PDE9A: variants seen among roughly 807,000 people sequenced by gnomAD.
PDE9A encodes high affinity cGMP-specific 3',5'-cyclic phosphodiesterase 9A.
PDE9A carries 60 observed loss-of-function variants against 87.4 expected under a neutral mutation model. The observed-to-expected ratio is 0.69, with a 90% CI of 0.56 to 0.85. PDE9A has a LOEUF of 0.85. PDE9A is among the 40% of genes least tolerant of loss of function. The pLI is 0.00. For synonymous variants in PDE9A, 272 were observed against 279.4 expected (o/e 0.97, Z 0.27); for missense variants, 665 against 779.0 (o/e 0.85, Z 1.74).
chr21:42,653,910 C>T (rs370764584), intron 1 of PDE9A, 27 bp downstream of exon 1: 3 of 1,351,826 alleles, frequency 2.2e-6, no homozygotes, highest in Admixed American at 4.1e-5. Context: ...CCAGACACCC[C>T]CTCCTCCCCC....
Position 42,736,270 on chromosome 21 carries a change from T to C in PDE9A, c.568+2844T>C, listed in dbSNP as rs547382492. 7.9e-5 allele frequency among the ~76,000 whole-genome samples: 12 copies of C among 152,304 alleles called. No individual in the cohort carries two copies. The South Asian group carries it at 1.7e-3, about 21-fold the overall frequency. On this transcript the variant is annotated intron_variant, in intron 7 of 19. Coordinates refer to ENST00000291539, the MANE Select transcript of PDE9A (RefSeq NM_002606.3). ...CCCACAACAAGATGAATAGTAACCC[T>C]GTGTGTCTTTGAATAACTGACCCTG... is the stretch of plus-strand genomic sequence containing the variant.
Position 42,733,808 on chromosome 21 carries a change from A to G in PDE9A, c.568+382A>G, listed in dbSNP as rs535632094. The G allele has an allele frequency of 5.0e-5, 10 of 200,214 alleles. No homozygotes were observed. The East Asian group carries it at 1.0e-3, about 21-fold the overall frequency. The allele number at this position is 200,214 out of a possible 1,614,324, so 12.4% of individuals were successfully genotyped here. On this transcript the variant is annotated intron_variant, in intron 7 of 19. Coordinates refer to ENST00000291539, the MANE Select transcript of PDE9A (RefSeq NM_002606.3). The stretch of plus-strand genomic sequence containing the variant: ...ACCCTGTGGGTCATAATTTTTTGGA[A>G]TATGTCTACTAAGTTGTTATCTCTT...
At chr21:42,741,831 T>C (rs2053306032) in intron 7 of PDE9A, 1 of 152,220 alleles carries the variant, frequency 6.6e-6, no homozygotes, top group Non-Finnish European at 1.5e-5. Context: ...AGCCAAAGGC[T>C]CTGAGTTGCT....
At position 42,773,927 on chromosome 21, in the gene PDE9A, A is replaced by AC. The variant is rs539556308; in HGVS notation, c.1769-1350dup. ...AGACCATCCTGGCTAACACGGTGAA[A>AC]CCCTTCTCTACTAAAAATACAAAAA... On this transcript the variant is annotated intron_variant, in intron 19 of 19. Coordinates refer to ENST00000291539, the MANE Select transcript of PDE9A (RefSeq NM_002606.3). 6.7e-3 allele frequency among the ~76,000 whole-genome samples: 1,007 copies of AC among 149,680 alleles called. 11 individuals are homozygous for AC. Among genetic ancestry groups the AC allele is most frequent in the African/African-American group, 0.019 (787 of 40,636 alleles).
At chr21:42,774,895 A>AAAG (rs1379329091) in intron 19 of PDE9A, among the ~76,000 whole-genome samples, 1 of 151,246 alleles carries the variant, frequency 6.6e-6, no homozygotes, top group Non-Finnish European at 1.5e-5. Context: ...AAAAAAAAAA[A>AAAG]AAGTCTGTGT....
intron 1 of PDE9A, among the ~76,000 whole-genome samples, chr21:42,670,257 A>C (rs919801620): frequency 2.0e-5 from 3 of 148,262 alleles, no homozygotes; most frequent in East Asian, 1.9e-4. Flanking sequence ...ACATACATAC[A>C]TTCACACACA....
At chr21:42,699,114 T>C (rs1261404285) in intron 4 of PDE9A, 103 bp downstream of exon 4, 7 of 764,066 alleles carry the variant, frequency 9.2e-6, no homozygotes, top group Non-Finnish European at 1.6e-5. Context: ...AATCTAAGCA[T>C]TTGAAATATA....
chr21:42,667,996 C>T lies in PDE9A; in HGVS notation c.69+14113C>T, dbSNP rs370326521. ...ACCAAGACATCCAAGCTCTCTGGGT[C>T]GAAGTTGGAGAGAGGGGTGCACAAA... On this transcript the variant is annotated intron_variant, in intron 1 of 19. Transcript: ENST00000291539. 8.5e-5 allele frequency among the ~76,000 whole-genome samples: 13 copies of T among 152,184 alleles called. No homozygotes were observed. In the East Asian group the frequency reaches 2.5e-3, roughly 29 times the overall value.
intron 4 of PDE9A, among the ~76,000 whole-genome samples, chr21:42,703,381 A>G (rs1433694046): frequency 6.6e-6 from 1 of 152,230 alleles, no homozygotes; most frequent in Non-Finnish European, 1.5e-5. Context: ...GACCGAACCC[A>G]TCCGTGGGAG....
intron 1 of PDE9A, among the ~76,000 whole-genome samples, chr21:42,663,188 T>C (rs553665591): frequency 7.5e-6 from 1 of 133,234 alleles, no homozygotes; most frequent in South Asian, 2.5e-4. Context: ...CACATCCACA[T>C]GCACCACACC....
At chr21:42,744,113 G>A (rs534253778) in intron 8 of PDE9A, among the ~76,000 whole-genome samples, 1 of 152,326 alleles carries the variant, frequency 6.6e-6, no homozygotes, top group South Asian at 2.1e-4. Flanking sequence ...AGCACTTTGG[G>A]AGGCCGAGGT....
At position 42,702,855 on chromosome 21, in the gene PDE9A, CT is replaced by C. The variant is rs540444224; in HGVS notation, c.262+3848del. The stretch of plus-strand genomic sequence containing the variant: ...TTGAAGGTCGTTGCAAGGATGCTGG[CT>C]TTTATGCTGAGTGGCGTGGGCAGCT... On this transcript the variant is annotated intron_variant, in intron 4 of 19. Coordinates refer to ENST00000291539, the MANE Select transcript of PDE9A (RefSeq NM_002606.3). This position sits in a 1 kb window ranked among gnomAD's most constrained non-coding sequence, Gnocchi z 4.9. Among the ~76,000 whole-genome samples, 115 of 152,356 alleles carry C rather than the reference CT, an allele frequency of 7.5e-4. No homozygotes were observed. The highest frequency in any genetic ancestry group is 2.7e-3 in the African/African-American group (111 of 41,580).
intron 1 of PDE9A, among the ~76,000 whole-genome samples, chr21:42,672,727 G>T (rs917660490): frequency 6.6e-6 from 1 of 152,220 alleles, no homozygotes; most frequent in Non-Finnish European, 1.5e-5. Flanking sequence ...TTGTTCATCC[G>T]ACGCGGTTGA....
intron 18 of PDE9A, among the ~76,000 whole-genome samples, chr21:42,772,130 G>C (rs2276240): frequency 1.8e-4 from 28 of 151,958 alleles, no homozygotes; most frequent in East Asian, 1.2e-3. Flanking sequence ...GGAGAGACAC[G>C]CCAAAGAGGT....
rs933037430 is a variant in PDE9A, at chr21:42,659,451, T to A, written c.69+5568T>A. Among the ~76,000 whole-genome samples, 1 of 152,098 alleles carries A rather than the reference T, an allele frequency of 6.6e-6. No individual in the cohort carries two copies. Among genetic ancestry groups the A allele is most frequent in the Non-Finnish European group, 1.5e-5 (1 of 68,008 alleles). ...TGCCAGCCGGGAGGCCTGGGCAAAA[T>A]CACTTTCTCCCCAGGGAAGTGGAGG... On this transcript the variant is annotated intron_variant, in intron 1 of 19. Transcript: ENST00000291539. The surrounding 1 kb of genome is among the most constrained non-coding windows in gnomAD (Gnocchi z 4.1).
rs1435684337 is a variant in PDE9A at position 42,694,050 on chromosome 21, C to T, written c.219-4918C>T. ...AAGGTCTGGAAAATCTAAGAAACCA[C>T]TCTACCCCACCCTCTGGTGACCAGA... is the stretch of plus-strand genomic sequence containing the variant. On this transcript the variant is annotated intron_variant, in intron 3 of 19. Transcript: ENST00000291539. This position sits in a 1 kb window ranked among gnomAD's most constrained non-coding sequence, Gnocchi z 5.3. Among the ~76,000 whole-genome samples, 1 of 152,140 alleles carries T rather than the reference C, an allele frequency of 6.6e-6. No homozygotes were observed. Among genetic ancestry groups the T allele is most frequent in the Non-Finnish European group, 1.5e-5 (1 of 68,024 alleles).
intron 1 of PDE9A, among the ~76,000 whole-genome samples, chr21:42,681,133 G>A (rs1430003181): frequency 6.6e-6 from 1 of 152,202 alleles, no homozygotes; most frequent in Non-Finnish European, 1.5e-5. Flanking sequence ...CAGCCCCAAG[G>A]GGCAGGTGGA....
rs547273005 is a variant in PDE9A at position 42,669,514 on chromosome 21, A to G, written c.69+15631A>G. On this transcript the variant is annotated intron_variant, in intron 1 of 19. Coordinates refer to ENST00000291539, the MANE Select transcript of PDE9A (RefSeq NM_002606.3). ...AAGGTTCCTGTGTGCGGGGCCCAAG[A>G]GAAGGGACATTAAATTAGGAGATGA... Among the ~76,000 whole-genome samples, 4 of 152,332 alleles carry G rather than the reference A, an allele frequency of 2.6e-5. No individual in the cohort carries two copies. In the South Asian group the frequency reaches 8.3e-4, roughly 32 times the overall value.
At chr21:42,668,891 T>TCCCCCCC (rs1569112468) in intron 1 of PDE9A, among the ~76,000 whole-genome samples, 3 of 108,722 alleles carry the variant, frequency 2.8e-5, no homozygotes, top group East Asian at 3.0e-4. Flanking sequence ...TCAGAGCTGC[T>TCCCCCCC]CCCTCCACCC....
Sources: gnomAD v4.1 joint callset for allele counts (sites outside exome capture counted in the v4.1 genomes callset) on GRCh38, gnomAD v4.1.1 for gene constraint, Gnocchi (gnomAD v3.1) non-coding constraint, MANE v1.5 for transcripts, NCBI Gene and HGNC (gene_info 2026-07-23, HGNC 2026-07-21) for gene names.